Variants in FAM107B observed in about 807,000 individuals in gnomAD.
FAM107B encodes protein FAM107B.
In FAM107B, 21 loss-of-function variants were observed where a neutral mutation model predicts 31.5. That is an observed-to-expected ratio of 0.67 (90% CI 0.47 to 0.96). FAM107B has a LOEUF of 0.96. FAM107B is among the 40% of genes least tolerant of loss of function. FAM107B has a pLI of 0.00. For synonymous variants in FAM107B, 157 were observed against 141.5 expected (o/e 1.11, Z -0.78); for missense variants, 452 against 377.1 (o/e 1.20, Z -1.64).
chr10:14,630,900 C>T (rs1037061592), intron 2 of FAM107B, among the ~76,000 whole-genome samples: 10 of 151,792 alleles, frequency 6.6e-5, no homozygotes, highest in South Asian at 6.2e-4. Flanking sequence ...TAAAGTAGAA[C>T]ATCAGTAAAG....
At chr10:14,619,998 G>A (rs932252169) in intron 2 of FAM107B, among the ~76,000 whole-genome samples, 2 of 147,436 alleles carry the variant, frequency 1.4e-5, no homozygotes, top group African/African-American at 2.5e-5. Context: ...GTCTATCTAC[G>A]TCTGGACTTT....
intron 2 of FAM107B, chr10:14,553,201 G>A (rs1173214769): frequency 1.6e-5 from 5 of 308,854 alleles, no homozygotes; most frequent in East Asian, 2.4e-4. Flanking sequence ...GAATGAGGGA[G>A]AGAATACAAA....
At chr10:14,620,941 T>A (rs1852995944) in intron 2 of FAM107B, among the ~76,000 whole-genome samples, 1 of 152,234 alleles carries the variant, frequency 6.6e-6, no homozygotes, top group Non-Finnish European at 1.5e-5. Flanking sequence ...TTTCTTGGTT[T>A]TGATGTTATT....
At chr10:14,528,259 G>C (rs975240526) in intron 3 of FAM107B, among the ~76,000 whole-genome samples, 2 of 134,820 alleles carry the variant, frequency 1.5e-5, no homozygotes, top group African/African-American at 5.7e-5. Context: ...TCGGCTCACT[G>C]CAACCTCCAC....
chr10:14,588,591 A>G (rs781069233), intron 2 of FAM107B, among the ~76,000 whole-genome samples: 3 of 152,168 alleles, frequency 2.0e-5, no homozygotes, highest in Non-Finnish European at 2.9e-5. Flanking sequence ...CAGCGCAAGT[A>G]GAGAAAAAGA....
chr10:14,597,195 T>A (rs1168837427), intron 2 of FAM107B, among the ~76,000 whole-genome samples: 1 of 152,232 alleles, frequency 6.6e-6, no homozygotes, highest in Non-Finnish European at 1.5e-5. Context: ...AATGGCATTC[T>A]CAACTTCCTC....
At chr10:14,543,647 C>A (rs1193964044) in intron 2 of FAM107B, among the ~76,000 whole-genome samples, 2 of 147,582 alleles carry the variant, frequency 1.4e-5, no homozygotes, top group Admixed American at 6.8e-5. Context: ...AAACAAAAAG[C>A]AGCCAATTCT....
intron 1 of FAM107B, among the ~76,000 whole-genome samples, chr10:14,725,856 T>G (rs927075834): frequency 4.4e-5 from 6 of 137,074 alleles, no homozygotes; most frequent in Non-Finnish European, 9.3e-5. Context: ...AATGGAGTCT[T>G]GCTCTGTTGC....
chr10:14,554,740 C>A (rs11259181), intron 2 of FAM107B, among the ~76,000 whole-genome samples: 12,259 of 152,206 alleles, frequency 0.081, 634 homozygotes, highest in East Asian at 0.24. Context: ...TTACACTGTC[C>A]CTTTCTTTCC....
intron 2 of FAM107B, among the ~76,000 whole-genome samples, chr10:14,623,941 G>A (rs758702894): frequency 2.0e-5 from 3 of 152,106 alleles, no homozygotes; most frequent in African/African-American, 4.8e-5. Context: ...CTTTCTCAAC[G>A]TCAACACTGA....
intron 1 of FAM107B, among the ~76,000 whole-genome samples, chr10:14,704,240 G>A (rs1252259237): frequency 6.6e-6 from 1 of 150,898 alleles, no homozygotes; most frequent in East Asian, 1.9e-4. Context: ...TATCAAAGAG[G>A]CTAATTGTAA....
intron 2 of FAM107B, among the ~76,000 whole-genome samples, chr10:14,603,979 C>A (rs1852494941): frequency 6.8e-6 from 1 of 147,934 alleles, no homozygotes; most frequent in Non-Finnish European, 1.5e-5. Flanking sequence ...GGGCCCCTTC[C>A]CCGCAGCGGC....
chr10:14,692,494 G>T (rs557355255), intron 1 of FAM107B, among the ~76,000 whole-genome samples: 1 of 152,228 alleles, frequency 6.6e-6, no homozygotes, highest in South Asian at 2.1e-4. Context: ...CAATATAAAC[G>T]GTTGTAAATT....
chr10:14,679,019 T>C (rs779221396), intron 1 of FAM107B, among the ~76,000 whole-genome samples: 4 of 152,136 alleles, frequency 2.6e-5, no homozygotes, highest in Admixed American at 2.6e-4. Flanking sequence ...CCCACAGGGG[T>C]GCTGGAAAGG....
At chr10:14,528,227 G>A (rs1846542223) in intron 3 of FAM107B, among the ~76,000 whole-genome samples, 1 of 133,182 alleles carries the variant, frequency 7.5e-6, no homozygotes, top group African/African-American at 2.9e-5. Flanking sequence ...TGTCACCCAG[G>A]CTGGAATGCA....
At chr10:14,618,559 G>A (rs996827076) in intron 2 of FAM107B, among the ~76,000 whole-genome samples, 12 of 152,080 alleles carry the variant, frequency 7.9e-5, no homozygotes, top group South Asian at 4.1e-4. Context: ...ATTACGGGCC[G>A]GGCTTGGTGG....
intron 2 of FAM107B, among the ~76,000 whole-genome samples, chr10:14,545,226 C>T (rs1202557382): frequency 2.6e-5 from 4 of 152,090 alleles, no homozygotes; most frequent in Admixed American, 6.5e-5. Context: ...AGAGTCCATG[C>T]TCTGAGCCAC....
At chr10:14,746,449 A>G (rs944467401) in intron 1 of FAM107B, among the ~76,000 whole-genome samples, 2 of 152,026 alleles carry the variant, frequency 1.3e-5, no homozygotes, top group African/African-American at 4.8e-5. Flanking sequence ...TCCTTTCCAT[A>G]TTTAGTGCTT....
intron 3 of FAM107B, among the ~76,000 whole-genome samples, chr10:14,525,934 A>C (rs1846180334): frequency 6.6e-6 from 1 of 152,196 alleles, no homozygotes; most frequent in African/African-American, 2.4e-5. Context: ...CATTTCACAT[A>C]AACCACTAAA....
Sources: gnomAD v4.1 joint callset for allele counts (sites outside exome capture counted in the v4.1 genomes callset) on GRCh38, gnomAD v4.1.1 for gene constraint, MANE v1.5 for transcripts, NCBI Gene and HGNC (gene_info 2026-07-23, HGNC 2026-07-21) for gene names.